The following RNGTT variants were observed in gnomAD, a reference collection of about 807,000 sequenced individuals.
The protein encoded by RNGTT is RNA guanylyltransferase and 5'-phosphatase, also known as mRNA-capping enzyme.
A neutral mutation model predicts 79.3 loss-of-function variants in RNGTT; 33 were observed. The ratio of observed to expected loss-of-function variants is 0.42; its 90% CI spans 0.32 to 0.56. The LOEUF (loss-of-function observed/expected upper bound fraction) is 0.56, where lower values mean the gene tolerates loss of function less well. Ranked by LOEUF, RNGTT falls within the 20% of genes least tolerant of loss-of-function variation. RNGTT has a pLI of 0.17. For synonymous variants in RNGTT, 222 were observed against 235.9 expected (o/e 0.94, Z 0.54); for missense variants, 497 against 739.1 (o/e 0.67, Z 3.80).
intron 1 of RNGTT, among the ~76,000 whole-genome samples, chr6:88,943,705 C>T (rs958776770): frequency 6.6e-6 from 1 of 152,202 alleles, no homozygotes; most frequent in East Asian, 1.9e-4. Flanking sequence ...GACTTTCTCT[C>T]CCTCTTACTA....
chr6:88,732,046 G>A (rs750214390), intron 13 of RNGTT, among the ~76,000 whole-genome samples: 3 of 152,114 alleles, frequency 2.0e-5, no homozygotes, highest in Non-Finnish European at 4.4e-5. Context: ...AGTAGGCTGA[G>A]GAGATGGAAG....
Position 88,610,377 on chromosome 6 carries a change from C to A in RNGTT, c.*2342G>T, listed in dbSNP as rs535751547. The A allele has an allele frequency of 6.6e-6, 1 of 152,648 alleles. No homozygotes were observed. The highest frequency in any genetic ancestry group is 1.9e-4 in the East Asian group (1 of 5,202). The allele number at this position is 152,648 out of a possible 1,614,324, so 9.5% of individuals were successfully genotyped here. On this transcript the variant is annotated 3_prime_UTR_variant, in exon 16 of 16. Transcript: ENST00000369485. ...CACGGAAAGCAAATGTAACCATCCA[C>A]GCAGTAGAGTCATCCACACCTTTTC...
intron 12 of RNGTT, among the ~76,000 whole-genome samples, chr6:88,786,542 TAG>T (rs1430179123): frequency 6.6e-6 from 1 of 152,144 alleles, no homozygotes; most frequent in Non-Finnish European, 1.5e-5. Context: ...TAATAAAACA[TAG>T]TTTATTACAG....
intron 12 of RNGTT, among the ~76,000 whole-genome samples, chr6:88,770,606 A>C (rs1381266487): frequency 6.6e-6 from 1 of 152,160 alleles, no homozygotes; most frequent in Non-Finnish European, 1.5e-5. Flanking sequence ...GCTGCTCTGA[A>C]CATTTGTATT....
At chr6:88,728,691 T>TA (rs1777003765) in intron 13 of RNGTT, among the ~76,000 whole-genome samples, 1 of 152,178 alleles carries the variant, frequency 6.6e-6, no homozygotes, top group Non-Finnish European at 1.5e-5. Flanking sequence ...GGACAGACCC[T>TA]ATTAGATTCT....
intron 13 of RNGTT, among the ~76,000 whole-genome samples, chr6:88,686,853 G>A (rs73753001): frequency 0.018 from 2,729 of 150,456 alleles, 74 homozygotes; most frequent in African/African-American, 0.064. Flanking sequence ...AATGGATTGG[G>A]AATCTAAGTA....
chr6:88,852,127 A>C (rs1219579135), intron 9 of RNGTT, among the ~76,000 whole-genome samples: 1 of 151,992 alleles, frequency 6.6e-6, no homozygotes, highest in Non-Finnish European at 1.5e-5. Flanking sequence ...TCAGGACTTA[A>C]ATACCTCTCT....
intron 8 of RNGTT, among the ~76,000 whole-genome samples, chr6:88,881,175 A>G (rs1262214442): frequency 6.6e-6 from 1 of 152,184 alleles, no homozygotes; most frequent in Non-Finnish European, 1.5e-5. Flanking sequence ...ATACACTTTG[A>G]TTATTTGGCA....
At chr6:88,621,375 T>C (rs917370941) in intron 14 of RNGTT, among the ~76,000 whole-genome samples, 2 of 152,100 alleles carry the variant, frequency 1.3e-5, no homozygotes, top group Non-Finnish European at 2.9e-5. Context: ...GGAAAGACAT[T>C]TCCTTAAATT....
At chr6:88,898,544 AG>A (rs1008944328) in intron 6 of RNGTT, among the ~76,000 whole-genome samples, 13 of 151,486 alleles carry the variant, frequency 8.6e-5, no homozygotes, top group African/African-American at 2.7e-4. Flanking sequence ...TTCTAAAGAA[AG>A]GTTCTATTTG....
chr6:88,678,184 G>A lies in RNGTT; in HGVS notation c.1506+169C>T, dbSNP rs773038211. 3.0e-5 allele frequency: 38 copies of A among 1,254,114 alleles called. 1 individual carries two copies. In the African/African-American group the frequency reaches 5.9e-4, roughly 19 times the overall value. The allele number at this position is 1,254,114 out of a possible 1,614,324, so 77.7% of individuals were successfully genotyped here. A position where few individuals can be genotyped will look rare whatever the true frequency, so the allele number is the denominator to read the frequency against. The stretch of plus-strand genomic sequence containing the variant: ...AAAAATTTTTCTTTTTGTAGAGACA[G>A]GGTTCCCAGCATGGTCTCAACCTCC... On this transcript the variant is annotated intron_variant, in intron 14 of 15. Coordinates refer to ENST00000369485, the MANE Select transcript of RNGTT (RefSeq NM_003800.5).
Position 88,628,872 on chromosome 6 carries a change from C to T in RNGTT, c.1507-14477G>A, listed in dbSNP as rs1027050074. ...CAAGAAATGACTAACAGTTAAAGAG[C>T]TAAGGGAGTTCAGCTAATGGAGCAT... On this transcript the variant is annotated intron_variant, in intron 14 of 15. Coordinates refer to ENST00000369485, the MANE Select transcript of RNGTT (RefSeq NM_003800.5). Among the ~76,000 whole-genome samples the T allele has an allele frequency of 4.6e-5, 7 of 152,188 alleles. No individual in the cohort carries two copies. The East Asian group carries it at 1.2e-3, about 25-fold the overall frequency.
At chr6:88,942,432 C>T (rs1001575975) in intron 1 of RNGTT, among the ~76,000 whole-genome samples, 1 of 151,954 alleles carries the variant, frequency 6.6e-6, no homozygotes, top group Non-Finnish European at 1.5e-5. Flanking sequence ...AGTGCAGTGG[C>T]GTGATGTCAG....
chr6:88,655,260 C>G (rs1773933738), intron 14 of RNGTT, among the ~76,000 whole-genome samples: 1 of 151,906 alleles, frequency 6.6e-6, no homozygotes, highest in Non-Finnish European at 1.5e-5. Context: ...TGTTAATAAT[C>G]TTAAAAATAT....
At chr6:88,657,444 G>C (rs1031769772) in intron 14 of RNGTT, among the ~76,000 whole-genome samples, 10 of 152,328 alleles carry the variant, frequency 6.6e-5, no homozygotes, top group African/African-American at 2.4e-4. Flanking sequence ...AAGGCAGCCA[G>C]CAGAATTGGG....
intron 12 of RNGTT, among the ~76,000 whole-genome samples, chr6:88,788,379 T>C (rs1457003532): frequency 2.6e-5 from 4 of 151,932 alleles, no homozygotes; most frequent in Non-Finnish European, 4.4e-5. Flanking sequence ...ATCAGGAGCA[T>C]GTGGTGTCAC....
Position 88,849,037 on chromosome 6 carries a change from A to G in RNGTT, c.1104+718T>C, listed in dbSNP as rs577361220. 8.5e-5 allele frequency among the ~76,000 whole-genome samples: 13 copies of G among 152,160 alleles called. No individual in the cohort carries two copies. The South Asian group carries it at 2.7e-3, about 32-fold the overall frequency. On this transcript the variant is annotated intron_variant, in intron 10 of 15. Coordinates refer to ENST00000369485, the MANE Select transcript of RNGTT (RefSeq NM_003800.5). ...TGTATTAAAGCAGAGCTCAGTGTCA[A>G]GAAGTAAAGGAGACAGAACTTCCCT... is the stretch of plus-strand genomic sequence containing the variant.
chr6:88,953,989 T>G (rs1215212892), intron 1 of RNGTT, among the ~76,000 whole-genome samples: 2 of 152,180 alleles, frequency 1.3e-5, no homozygotes, highest in East Asian at 3.9e-4. Context: ...TTCTAAACCT[T>G]GAAATAAAAC....
At chr6:88,918,513 T>C (rs532618269) in intron 4 of RNGTT, among the ~76,000 whole-genome samples, 2 of 152,192 alleles carry the variant, frequency 1.3e-5, no homozygotes, top group East Asian at 3.9e-4. Context: ...TTTAGGTATG[T>C]TTACAGGCTC....
Sources: gnomAD v4.1 joint callset for allele counts (sites outside exome capture counted in the v4.1 genomes callset) on GRCh38, gnomAD v4.1.1 for gene constraint, MANE v1.5 for transcripts, NCBI Gene and HGNC (gene_info 2026-07-23, HGNC 2026-07-21) for gene names.